The following MTR variants were observed in gnomAD, a reference collection of about 807,000 sequenced individuals.
MTR encodes 5-methyltetrahydrofolate-homocysteine methyltransferase.
MTR carries 84 observed loss-of-function variants against 154.8 expected under a neutral mutation model. The ratio of observed to expected loss-of-function variants is 0.54; its 90% CI spans 0.45 to 0.65. The LOEUF is 0.65. MTR is among the 30% of genes least tolerant of loss of function. The probability of loss-of-function intolerance (pLI) is 0.00; values close to 1 mark genes in which losing one functional copy is unlikely to be tolerated. For synonymous variants in MTR, 554 were observed against 553.9 expected, an observed-to-expected ratio of 1.00 and a Z score of 0.00; for missense variants, 1,275 against 1,570.2, an observed-to-expected ratio of 0.81 and a Z score of 3.18.
intron 29 of MTR, among the ~76,000 whole-genome samples, chr1:236,893,669 CTTTA>C (rs754225103): frequency 5.3e-5 from 8 of 152,146 alleles, no homozygotes; most frequent in South Asian, 2.1e-4. Flanking sequence ...ATGTATAAGA[CTTTA>C]TTTGTTACCT....
chr1:236,845,368 T>C (rs1013259539), intron 15 of MTR, among the ~76,000 whole-genome samples: 1 of 152,352 alleles, frequency 6.6e-6, no homozygotes, highest in East Asian at 1.9e-4. Context: ...TTATCCCTAC[T>C]AAATTAGTAA....
At chr1:236,877,519 C>G (rs377283288) in intron 24 of MTR, among the ~76,000 whole-genome samples, 2 of 152,282 alleles carry the variant, frequency 1.3e-5, no homozygotes, top group African/African-American at 4.8e-5. Context: ...ATGTGCTCTC[C>G]TGTGTCCGGC....
At chr1:236,821,051 C>G (rs1017338998) in intron 8 of MTR, among the ~76,000 whole-genome samples, 2 of 152,186 alleles carry the variant, frequency 1.3e-5, no homozygotes, top group Non-Finnish European at 2.9e-5. Context: ...CTGTCATATT[C>G]TACTTTCTAT....
rs752682382 is a variant in MTR at position 236,795,450 on chromosome 1, A to T, written c.-254A>T. 2.6e-5 allele frequency: 39 copies of T among 1,493,036 alleles called. No individual in the cohort carries two copies. Among genetic ancestry groups the T allele is most frequent in the Non-Finnish European group, 3.0e-5 (34 of 1,119,162 alleles). The allele number at this position is 1,493,036 out of a possible 1,614,324, so 92.5% of individuals were successfully genotyped here. The stretch of plus-strand genomic sequence containing the variant: ...TCTGGCTGCTAGGCCGACACCAAGG[A>T]CTGGCCGGGTACCCGGGAAGAAAGC... On this transcript the variant is annotated 5_prime_UTR_variant, in exon 1 of 33. Transcript: ENST00000366577.
intron 8 of MTR, chr1:236,820,652 A>C: frequency 3.9e-6 from 2 of 515,574 alleles, no homozygotes; most frequent in Admixed American, 3.3e-5. Flanking sequence ...ATAAGTTTTA[A>C]TTCATTTGGG....
At position 236,795,316 on chromosome 1, in the gene MTR, T is replaced by G. The variant is rs1660299570; in HGVS notation, c.-388T>G. On this transcript the variant is annotated 5_prime_UTR_variant, in exon 1 of 33. Transcript: ENST00000366577. ...CAGAACTAACCGCGCTCTGAAAGGT[T>G]CTAAATGTCTGCGGGGCTCAGAGCC... 4.8e-6 allele frequency: 6 copies of G among 1,259,618 alleles called. No individual in the cohort carries two copies. Among genetic ancestry groups the G allele is most frequent in the Non-Finnish European group, 6.1e-6 (6 of 976,768 alleles). 78.0% of individuals were successfully genotyped at this position (1,259,618 alleles called of 1,614,324 possible).
At chr1:236,815,842 A>G (rs929752338) in intron 7 of MTR, among the ~76,000 whole-genome samples, 179 bp downstream of exon 7, 12 of 152,138 alleles carry the variant, frequency 7.9e-5, no homozygotes, top group African/African-American at 2.9e-4. Flanking sequence ...TTATATCTGG[A>G]GAGGCAAGGA....
At position 236,806,163 on chromosome 1, in the gene MTR, C is replaced by T. The variant is rs751825341; in HGVS notation, c.269C>T (p.Ala90Val). 9.9e-6 allele frequency: 16 copies of T among 1,614,028 alleles called. No homozygotes were observed. Among genetic ancestry groups the T allele is most frequent in the Non-Finnish European group, 1.2e-5 (14 of 1,179,910 alleles). Reference sequence around the variant, plus strand: ...TTGCAGGAATACTTGCTGGCTGGGGCAGATATCATTGAAACAAATACTTTT... The same window carrying T: ...TTGCAGGAATACTTGCTGGCTGGGGTAGATATCATTGAAACAAATACTTTT... ...QIHKEYLLAG[A>V]DIIETNTFSS... Residue 90 changes from alanine (A) to valine (V), a missense_variant, in exon 3 of 33, where the codon GCA (alanine) becomes GTA (valine). Coordinates refer to ENST00000366577, the MANE Select transcript of MTR (RefSeq NM_000254.3).
Position 236,895,272 on chromosome 1 carries a change from A to G in MTR, c.3406-86A>G. On this transcript the variant is annotated intron_variant, in intron 30 of 32. Coordinates refer to ENST00000366577, the MANE Select transcript of MTR (RefSeq NM_000254.3). ...GGTCCAGATGAGGGAGGGTGTCCTC[A>G]TGGTTCTAATTCAGGGGGTGGAGGC... is the stretch of plus-strand genomic sequence containing the variant. The G allele has an allele frequency of 2.1e-6, 3 of 1,433,034 alleles. No homozygotes were observed. In the South Asian group the frequency reaches 3.7e-5, roughly 18 times the overall value. The allele number at this position is 1,433,034 out of a possible 1,614,324, so 88.8% of individuals were successfully genotyped here.
chr1:236,890,418 T>C (rs902711253), intron 28 of MTR, among the ~76,000 whole-genome samples: 3 of 152,146 alleles, frequency 2.0e-5, no homozygotes, highest in Admixed American at 2.0e-4. Flanking sequence ...TGTGAGGATT[T>C]GGGCCACACT....
rs903584780 is a variant in MTR, at chr1:236,800,481, A to G, written c.35-2947A>G. 1.0e-5 allele frequency: 10 copies of G among 985,034 alleles called. No individual in the cohort carries two copies. The East Asian group carries it at 5.7e-4, about 56-fold the overall frequency. The allele number at this position is 985,034 out of a possible 1,614,324, so 61.0% of individuals were successfully genotyped here. A position where few individuals can be genotyped will look rare whatever the true frequency, so the allele number is the denominator to read the frequency against. ...AGCGATTCAGCTGGGCATGTAGGTT[A>G]GAGTCTTTAGTTCTTAGTCTTCTCA... On this transcript the variant is annotated intron_variant, in intron 1 of 32. Coordinates refer to ENST00000366577, the MANE Select transcript of MTR (RefSeq NM_000254.3).
chr1:236,824,882 T>A (rs181676940), intron 9 of MTR, among the ~76,000 whole-genome samples: 17 of 152,366 alleles, frequency 1.1e-4, no homozygotes, highest in African/African-American at 4.1e-4. Context: ...TGGATTGTTA[T>A]AAGCTGAAGT....
Position 236,816,448 on chromosome 1 carries a change from G to C in MTR, c.670-1G>C. ...TGACTTTGTTTACTTTGTCAATTCA[G>C]ATTTCAGGGACGATCGTTGATAAAA... On this transcript the variant is annotated splice_acceptor_variant, in intron 7 of 32. Transcript: ENST00000366577. LOFTEE classifies it high-confidence loss of function. The C allele has an allele frequency of 6.2e-7, 1 of 1,613,902 alleles. No individual in the cohort carries two copies. Among genetic ancestry groups the C allele is most frequent in the Non-Finnish European group, 8.5e-7 (1 of 1,179,792 alleles).
At chr1:236,897,326 A>G (rs1421228260) in intron 32 of MTR, among the ~76,000 whole-genome samples, 14 of 129,170 alleles carry the variant, frequency 1.1e-4, no homozygotes, top group Non-Finnish European at 1.4e-4. Flanking sequence ...ACACACACAC[A>G]CACACACACA....
intron 9 of MTR, 122 bp downstream of exon 9, chr1:236,824,341 A>G: frequency 1.2e-6 from 1 of 865,620 alleles, no homozygotes. Context: ...TTGACACTTA[A>G]TAAATGAAGA....
At chr1:236,859,758 G>T in intron 18 of MTR, 75 bp from the exon 19 acceptor site, 2 of 1,175,852 alleles carry the variant, frequency 1.7e-6, no homozygotes, top group Admixed American at 3.4e-5. Context: ...TTTTTTGTTT[G>T]TTTGTTTGTT....
At chr1:236,852,714 G>A in intron 17 of MTR, 77 bp downstream of exon 17, 2 of 1,321,600 alleles carry the variant, frequency 1.5e-6, no homozygotes, top group Non-Finnish European at 2.2e-6. Context: ...TGGCATGCAG[G>A]CTAAGTCCGG....
chr1:236,861,385 A>G (rs1474280151), intron 20 of MTR, 108 bp downstream of exon 20: 10 of 1,458,522 alleles, frequency 6.9e-6, no homozygotes, highest in South Asian at 1.2e-5. Flanking sequence ...CAAGAGTTCA[A>G]TGGTATTGGC....
intron 15 of MTR, among the ~76,000 whole-genome samples, chr1:236,844,124 T>C (rs1464946310): frequency 6.6e-6 from 1 of 152,060 alleles, no homozygotes; most frequent in East Asian, 1.9e-4. Context: ...AGGAGCAGCC[T>C]GTATGGTAGG....
Sources: allele counts gnomAD v4.1 joint callset (sites outside exome capture counted in the v4.1 genomes callset), GRCh38; gene constraint gnomAD v4.1.1; transcripts MANE v1.5; gene names NCBI Gene and HGNC (gene_info 2026-07-23, HGNC 2026-07-21).